Variants in RNF212B observed in about 807,000 individuals in gnomAD.
RNF212B encodes the protein ring finger protein 212B.
RNF212B carries 52 observed loss-of-function variants against 55.5 expected under a neutral mutation model. The observed-to-expected ratio is 0.94, with a 90% CI of 0.75 to 1.18. The LOEUF (loss-of-function observed/expected upper bound fraction) is 1.18, where lower values mean the gene tolerates loss of function less well. RNF212B is among the 50% of genes most tolerant of loss of function. The probability of loss-of-function intolerance (pLI) is 0.00; values close to 1 mark genes in which losing one functional copy is unlikely to be tolerated. For missense variants in RNF212B, 289 were observed against 350.4 expected (o/e 0.82, Z 1.40); for synonymous variants, 99 against 121.4 (o/e 0.82, Z 1.21).
chr14:23,244,887 G>T (rs1002433799), intron 4 of RNF212B, among the ~76,000 whole-genome samples: 1 of 152,122 alleles, frequency 6.6e-6, no homozygotes, highest in Non-Finnish European at 1.5e-5. Flanking sequence ...ATAACTGGTT[G>T]CTTGAATTTT....
At chr14:23,230,619 A>G (rs909141989) in intron 2 of RNF212B, among the ~76,000 whole-genome samples, 1 of 127,482 alleles carries the variant, frequency 7.8e-6, no homozygotes, top group African/African-American at 3.0e-5. Context: ...GCGCCACTGC[A>G]CTCCAGCCTG....
In RNF212B at chr14:23,264,657, G is replaced by A; in HGVS notation, c.620G>A (p.Arg207Lys). ...GGTCTGCAGGGAAGGAGAACTCCCA[G>A]AGACTCTTATAATGGTGAGGTGGGG... ...GRGLQGRRTP[R>K]DSYNETPSPA... is the part of the protein sequence containing the mutation. The change falls in exon 11 of 15, where the codon AGA becomes AAA. Residue 207 changes from arginine to lysine, a missense_variant. Transcript: ENST00000430154. The A allele has an allele frequency of 3.0e-6, 4 of 1,330,230 alleles. No homozygotes were observed. The highest frequency in any genetic ancestry group is 2.8e-5 in the East Asian group (1 of 35,474). The allele number at this position is 1,330,230 out of a possible 1,614,324, so 82.4% of individuals were successfully genotyped here.
intron 2 of RNF212B, among the ~76,000 whole-genome samples, chr14:23,230,543 A>C (rs1484783835): frequency 6.7e-6 from 1 of 150,288 alleles, no homozygotes; most frequent in Non-Finnish European, 1.5e-5. Flanking sequence ...AGTCCCAGCT[A>C]CTCGGGAAGC....
chr14:23,209,686 C>G (rs1327551143), intron 2 of RNF212B, among the ~76,000 whole-genome samples: 13 of 152,150 alleles, frequency 8.5e-5, no homozygotes, highest in Admixed American at 8.5e-4. Flanking sequence ...TTGAGGGACT[C>G]TCTTTCAAAG....
chr14:23,250,947 C>T (rs2140454295), intron 4 of RNF212B, among the ~76,000 whole-genome samples: 1 of 152,298 alleles, frequency 6.6e-6, no homozygotes, highest in African/African-American at 2.4e-5. Context: ...GCATGTATCT[C>T]AGTGAGCAGA....
At chr14:23,266,088 A>G (rs1885671087) in intron 11 of RNF212B, among the ~76,000 whole-genome samples, 1 of 151,176 alleles carries the variant, frequency 6.6e-6, no homozygotes, top group Admixed American at 6.6e-5. Context: ...CCTCCCAAGT[A>G]GCTGGGACTA....
Position 23,264,628 on chromosome 14 carries a change from C to A in RNF212B, c.591C>A (p.Gly197=). ...EAGFGSLGQG[G]RGLQGRRTPR... is the part of the protein sequence containing the mutation. ...GCTTATTATTTGTCTATCAGGGAGG[C>A]AGAGGTCTGCAGGGAAGGAGAACTC... Residue 197 remains glycine (G), a synonymous_variant, in exon 11 of 15, where the codon GGC becomes GGA. Transcript: ENST00000430154. 7.5e-7 allele frequency: 1 copy of A among 1,337,236 alleles called. No individual in the cohort carries two copies. The highest frequency in any genetic ancestry group is 9.6e-7 in the Non-Finnish European group (1 of 1,036,530). 82.8% of individuals were successfully genotyped at this position (1,337,236 alleles called of 1,614,324 possible). A position where few individuals can be genotyped will look rare whatever the true frequency, so the allele number is the denominator to read the frequency against.
intron 2 of RNF212B, among the ~76,000 whole-genome samples, chr14:23,214,491 C>T (rs542439752): frequency 2.6e-5 from 4 of 151,424 alleles, no homozygotes; most frequent in African/African-American, 9.7e-5. Flanking sequence ...GAGACTCAGT[C>T]CCCCCAATAA....
chr14:23,220,108 T>G (rs1198276255), intron 2 of RNF212B, among the ~76,000 whole-genome samples: 1 of 151,806 alleles, frequency 6.6e-6, no homozygotes, highest in African/African-American at 2.4e-5. Flanking sequence ...CCCTTGAACC[T>G]GGGAGGCAGA....
At chr14:23,242,677 A>C (rs757952234) in intron 2 of RNF212B, among the ~76,000 whole-genome samples, 7 of 152,212 alleles carry the variant, frequency 4.6e-5, no homozygotes, top group Admixed American at 1.3e-4. Flanking sequence ...ATTTATAAAA[A>C]GATGGGGCAG....
At chr14:23,243,645 G>A (rs1883764279) in intron 3 of RNF212B, among the ~76,000 whole-genome samples, 5 of 139,980 alleles carry the variant, frequency 3.6e-5, no homozygotes, top group Admixed American at 3.1e-4. Context: ...GCAGTGAGCT[G>A]AGCTCGCGCC....
At chr14:23,226,812 CTT>C (rs111452590) in intron 2 of RNF212B, among the ~76,000 whole-genome samples, 2 of 128,766 alleles carry the variant, frequency 1.6e-5, no homozygotes, top group Non-Finnish European at 3.1e-5. Flanking sequence ...TCTTCTTCTT[CTT>C]TTTTTTTTTT....
At chr14:23,271,302 G>A (rs2140492837) in intron 14 of RNF212B, among the ~76,000 whole-genome samples, 1 of 152,116 alleles carries the variant, frequency 6.6e-6, no homozygotes, top group South Asian at 2.1e-4. Flanking sequence ...AATTAGCCAG[G>A]TGTGGTGGCG....
chr14:23,221,784 G>A (rs541566002), intron 2 of RNF212B, among the ~76,000 whole-genome samples: 1 of 152,134 alleles, frequency 6.6e-6, no homozygotes, highest in Non-Finnish European at 1.5e-5. Context: ...ATAATATCAG[G>A]CATCTTCTCT....
chr14:23,208,822 G>A (rs944050801), intron 2 of RNF212B, among the ~76,000 whole-genome samples: 9 of 142,104 alleles, frequency 6.3e-5, no homozygotes, highest in Non-Finnish European at 1.0e-4. Flanking sequence ...GCAATGGCGC[G>A]ATCTCAGGTC....
At chr14:23,236,057 C>T (rs990053096), upstream of RNF212B, among the ~76,000 whole-genome samples, 6 of 152,196 alleles carry the variant, frequency 3.9e-5, no homozygotes, top group African/African-American at 1.2e-4. Flanking sequence ...TTCACACACT[C>T]CAACCAAAAC....
intron 2 of RNF212B, among the ~76,000 whole-genome samples, chr14:23,219,502 C>G (rs1378611016): frequency 2.0e-5 from 3 of 150,028 alleles, no homozygotes; most frequent in Non-Finnish European, 4.4e-5. Flanking sequence ...GAGACAGTCT[C>G]ACTCTGTCGC....
At chr14:23,258,693 CTTT>C (rs10547691) in intron 5 of RNF212B, 29 bp downstream of exon 5, 60,069 of 579,630 alleles carry the variant, frequency 0.1, 245 homozygotes, top group South Asian at 0.14. Context: ...CCCAAGAGAG[CTTT>C]TTTTTTTTTT....
At chr14:23,220,822 C>CAA (rs201824962) in intron 2 of RNF212B, among the ~76,000 whole-genome samples, 1 of 150,148 alleles carries the variant, frequency 6.7e-6, no homozygotes, top group African/African-American at 2.5e-5. Context: ...AAGACTCCAT[C>CAA]AAAAAAAACA....
Sources: gnomAD v4.1 joint callset for allele counts (sites outside exome capture counted in the v4.1 genomes callset) on GRCh38, gnomAD v4.1.1 for gene constraint, MANE v1.5 for transcripts, NCBI Gene and HGNC (gene_info 2026-07-23, HGNC 2026-07-21) for gene names.